The following ABI2 variants were observed in gnomAD, a reference collection of about 807,000 sequenced individuals.
ABI2 encodes the protein abl interactor 2, also known as abelson interactor 2.
A neutral mutation model predicts 59.2 loss-of-function variants in ABI2; 25 were observed. That is an observed-to-expected ratio of 0.42 (90% CI 0.31 to 0.59). ABI2 has a LOEUF of 0.59. Ranked by LOEUF, ABI2 falls within the 20% of genes least tolerant of loss-of-function variation. ABI2 has a pLI of 0.14. For missense variants in ABI2, 545 were observed against 681.8 expected, an observed-to-expected ratio of 0.80 and a Z score of 2.23; for synonymous variants, 213 against 235.5, an observed-to-expected ratio of 0.90 and a Z score of 0.87.
rs1210172486 is a variant in ABI2 at position 203,429,479 on chromosome 2, C to A, written c.*2127C>A. ...AAATCCAATAAATAGTTCCCACAGG[C>A]TGGGTGTGGTGGCTTATGCCTGTAA... On this transcript the variant is annotated 3_prime_UTR_variant, in exon 12 of 12. Coordinates refer to ENST00000261018, the MANE Select transcript of ABI2 (RefSeq NM_001375670.1). 6.6e-6 allele frequency: 1 copy of A among 152,192 alleles called. No homozygotes were observed. Among genetic ancestry groups the A allele is most frequent in the Admixed American group, 6.5e-5 (1 of 15,280 alleles). The allele number at this position is 152,192 out of a possible 1,614,324, so 9.4% of individuals were successfully genotyped here.
chr2:203,331,119 A>G (rs912689485), intron 1 of ABI2, among the ~76,000 whole-genome samples: 3 of 152,068 alleles, frequency 2.0e-5, no homozygotes, highest in Admixed American at 6.5e-5. Flanking sequence ...TTTTTTGATT[A>G]TCATTTATTT....
chr2:203,364,212 GGCTCCT>G (rs2094013489), intron 1 of ABI2, among the ~76,000 whole-genome samples: 1 of 151,564 alleles, frequency 6.6e-6, no homozygotes, highest in Non-Finnish European at 1.5e-5. Flanking sequence ...TCCTGCCTCA[GGCTCCT>G]GAGTAGCTGG....
intron 8 of ABI2, among the ~76,000 whole-genome samples, chr2:203,400,011 G>C (rs1447342282): frequency 1.4e-5 from 2 of 147,250 alleles, no homozygotes; most frequent in Non-Finnish European, 3.0e-5. Context: ...CTAGGTTTAT[G>C]ATAATTAGGT....
chr2:203,331,651 C>A (rs1271979641), intron 1 of ABI2, among the ~76,000 whole-genome samples: 1 of 150,954 alleles, frequency 6.6e-6, no homozygotes, highest in African/African-American at 2.4e-5. Context: ...TGAGCCACCG[C>A]ACCTGGCCAA....
At chr2:203,391,203 C>G in intron 5 of ABI2, 60 bp downstream of exon 5, 1 of 1,154,564 alleles carries the variant, frequency 8.7e-7, no homozygotes, top group Middle Eastern at 2.1e-4. Flanking sequence ...AAATGAAGCA[C>G]AACATATTTA....
intron 1 of ABI2, among the ~76,000 whole-genome samples, chr2:203,359,101 C>T (rs2092930684): frequency 6.6e-6 from 1 of 152,122 alleles, no homozygotes; most frequent in African/African-American, 2.4e-5. Flanking sequence ...CTAAAATGGG[C>T]AAATGTATTG....
intron 4 of ABI2, among the ~76,000 whole-genome samples, chr2:203,382,793 T>C (rs2096221853): frequency 6.6e-6 from 1 of 152,118 alleles, no homozygotes; most frequent in East Asian, 1.9e-4. Context: ...AGAAAAATTA[T>C]TCTTTTTTCC....
At chr2:203,365,696 C>T (rs966756707) in intron 1 of ABI2, among the ~76,000 whole-genome samples, 1 of 119,594 alleles carries the variant, frequency 8.4e-6, no homozygotes, top group Admixed American at 1.2e-4. Flanking sequence ...GTGCCATGAT[C>T]TTGGCTCACT....
intron 4 of ABI2, among the ~76,000 whole-genome samples, chr2:203,388,049 T>C (rs1285202865): frequency 6.6e-6 from 1 of 152,188 alleles, no homozygotes; most frequent in Non-Finnish European, 1.5e-5. Context: ...TTAATTATAA[T>C]ATAGATTTTA....
intron 4 of ABI2, among the ~76,000 whole-genome samples, chr2:203,388,674 C>G (rs923344181): frequency 1.3e-5 from 2 of 151,812 alleles, no homozygotes; most frequent in African/African-American, 2.4e-5. Flanking sequence ...GAGCGAGACT[C>G]TGTCTTAAAA....
chr2:203,390,703 A>T (rs2096711766), intron 4 of ABI2, among the ~76,000 whole-genome samples: 1 of 152,108 alleles, frequency 6.6e-6, no homozygotes. Flanking sequence ...TGATTGAGTT[A>T]CTCTTTATTA....
intron 11 of ABI2, among the ~76,000 whole-genome samples, chr2:203,422,932 G>A (rs1416995256): frequency 6.6e-6 from 1 of 152,146 alleles, no homozygotes; most frequent in Non-Finnish European, 1.5e-5. Context: ...TGCTGGCTTA[G>A]GATGAACTTT....
At chr2:203,421,054 GGT>G (rs1313999841) in intron 11 of ABI2, among the ~76,000 whole-genome samples, 1 of 151,802 alleles carries the variant, frequency 6.6e-6, no homozygotes, top group Non-Finnish European at 1.5e-5. Context: ...ACAATGCGAA[GGT>G]GTTGGATTAA....
At chr2:203,415,446 T>C (rs1006992989) in intron 10 of ABI2, among the ~76,000 whole-genome samples, 3 of 151,860 alleles carry the variant, frequency 2.0e-5, no homozygotes, top group African/African-American at 7.3e-5. Context: ...TGAAACCCCA[T>C]CTCTACTAAA....
At chr2:203,391,510 C>T (rs1408246432) in intron 5 of ABI2, among the ~76,000 whole-genome samples, 1 of 151,968 alleles carries the variant, frequency 6.6e-6, no homozygotes, top group African/African-American at 2.4e-5. Flanking sequence ...TTCTATAAAA[C>T]TTATAAGAAT....
chr2:203,385,710 A>C (rs147124713), intron 4 of ABI2, among the ~76,000 whole-genome samples: 8 of 152,330 alleles, frequency 5.3e-5, no homozygotes, highest in Non-Finnish European at 8.8e-5. Flanking sequence ...CCTTTGTAGT[A>C]ACATCAACCT....
Position 203,328,489 on chromosome 2 carries a change from A to C in ABI2, c.-26A>C, listed in dbSNP as rs1383325271. On this transcript the variant is annotated 5_prime_UTR_variant, in exon 1 of 12. Coordinates refer to ENST00000261018, the MANE Select transcript of ABI2 (RefSeq NM_001375670.1). ...CGCCGCTCCCTCTGCGACCTGTATG[A>C]GGAGGAGGAGGAGGAGGATGTGAAG... 2.0e-5 allele frequency: 26 copies of C among 1,295,468 alleles called. No homozygotes were observed. The highest frequency in any genetic ancestry group is 3.0e-5 in the African/African-American group (2 of 66,714). 80.2% of individuals were successfully genotyped at this position (1,295,468 alleles called of 1,614,324 possible).
At chr2:203,350,832 C>G (rs985671737) in intron 1 of ABI2, among the ~76,000 whole-genome samples, 10 of 151,074 alleles carry the variant, frequency 6.6e-5, no homozygotes, top group Non-Finnish European at 1.0e-4. Context: ...GCCACTGTTC[C>G]CGGCCTTTTC....
intron 1 of ABI2, among the ~76,000 whole-genome samples, chr2:203,341,474 G>C (rs1244999625): frequency 6.6e-6 from 1 of 152,136 alleles, no homozygotes; most frequent in Non-Finnish European, 1.5e-5. Context: ...TAGCACTTTG[G>C]GAGGCTGAGG....
Sources: allele counts gnomAD v4.1 joint callset (sites outside exome capture counted in the v4.1 genomes callset), GRCh38; gene constraint gnomAD v4.1.1; transcripts MANE v1.5; gene names NCBI Gene and HGNC (gene_info 2026-07-23, HGNC 2026-07-21).